Variants in LAMC1 observed in about 807,000 individuals in gnomAD.
LAMC1 encodes laminin subunit gamma 1.
A neutral mutation model predicts 173.6 loss-of-function variants in LAMC1; 38 were observed. That is an observed-to-expected ratio of 0.22 (90% CI 0.17 to 0.29). The LOEUF (loss-of-function observed/expected upper bound fraction) is 0.29, where lower values mean the gene tolerates loss of function less well. Ranked by LOEUF, LAMC1 falls within the 10% of genes least tolerant of loss-of-function variation. The pLI is 1.00. For missense variants in LAMC1, 1,824 were observed against 2,051.8 expected (o/e 0.89, Z 2.14); for synonymous variants, 746 against 749.1 (o/e 1.00, Z 0.07).
chr1:183,116,887 C>T lies in LAMC1; in HGVS notation c.1548C>T (p.Ser516=). 6.2e-7 allele frequency: 1 copy of T among 1,613,830 alleles called. No homozygotes were observed. The highest frequency in any genetic ancestry group is 2.2e-5 in the East Asian group (1 of 44,868). Reference sequence around the variant, plus strand: ...TTGGCTACAGTGTTTATTCTATCTCCTCTACCTTTCAGATTGGTAATTTAG... The same window carrying T: ...TTGGCTACAGTGTTTATTCTATCTCTTCTACCTTTCAGATTGGTAATTTAG... ...NAVGYSVYSI[S]STFQIDEDGW... is the part of the protein sequence containing the mutation. Residue 516 remains serine (S), a synonymous_variant, in exon 8 of 28, where the codon TCC becomes TCT. Coordinates refer to ENST00000258341, the MANE Select transcript of LAMC1 (RefSeq NM_002293.4).
intron 1 of LAMC1, among the ~76,000 whole-genome samples, chr1:183,070,119 A>C (rs1222409291): frequency 6.6e-6 from 1 of 152,208 alleles, no homozygotes; most frequent in Non-Finnish European, 1.5e-5. Context: ...CTTAGACTTG[A>C]TCATAATTGC....
rs137936537 is a variant in LAMC1, at chr1:183,115,422, G to T, written c.1211-98G>T. ...CAGGAGATTGCATACTGGTTCTCAG[G>T]CATTGCTTTTAATTACCAGTTATCT... On this transcript the variant is annotated intron_variant, in intron 5 of 27. Transcript: ENST00000258341. 2.7e-3 allele frequency: 2,195 copies of T among 800,310 alleles called. 5 individuals carry two copies. The highest frequency in any genetic ancestry group is 4.3e-3 in the South Asian group (275 of 64,150). 49.6% of individuals were successfully genotyped at this position (800,310 alleles called of 1,614,324 possible).
intron 1 of LAMC1, among the ~76,000 whole-genome samples, chr1:183,047,416 A>G (rs1654293981): frequency 6.6e-6 from 1 of 152,184 alleles, no homozygotes; most frequent in Non-Finnish European, 1.5e-5. Context: ...ATATTTTTAT[A>G]TCAATTCTGT....
intron 1 of LAMC1, among the ~76,000 whole-genome samples, chr1:183,077,776 G>GTGTGTGTGTGTGTATATATATATATATA: frequency 4.3e-5 from 5 of 116,562 alleles, no homozygotes; most frequent in Admixed American, 8.7e-5. Flanking sequence ...TGGCCATTGT[G>GTGTGTGTGTGTGTATATATATATATATA]TATATATATA....
chr1:183,101,357 A>G (rs1185895662), intron 1 of LAMC1, among the ~76,000 whole-genome samples: 5 of 151,604 alleles, frequency 3.3e-5, no homozygotes, highest in African/African-American at 9.7e-5. Context: ...TTGACGCAAC[A>G]AAGAGATACA....
rs1656614445 is a variant in LAMC1 at position 183,126,183 on chromosome 1, G to A, written c.2865G>A (p.Glu955=). Residue 955 remains glutamate (E), a synonymous_variant, in exon 16 of 28, where the codon GAG becomes GAA. Coordinates refer to ENST00000258341, the MANE Select transcript of LAMC1 (RefSeq NM_002293.4). ...GTGACATCCGCACCGGCCAGTGTGA[G>A]TGCCAGCCCGGCATCACTGGTCAGC... ...GQCDIRTGQC[E]CQPGITGQHC... is the part of the protein sequence containing the mutation. The A allele has an allele frequency of 6.2e-7, 1 of 1,614,244 alleles. No homozygotes were observed. The highest frequency in any genetic ancestry group is 8.5e-7 in the Non-Finnish European group (1 of 1,180,034).
intron 1 of LAMC1, among the ~76,000 whole-genome samples, chr1:183,067,204 TTGTC>T (rs1272579176): frequency 6.6e-6 from 1 of 152,184 alleles, no homozygotes. Context: ...ATCTAGGACT[TTGTC>T]TAACTATTGA....
chr1:183,087,129 G>T (rs887847392), intron 1 of LAMC1, among the ~76,000 whole-genome samples: 2 of 152,062 alleles, frequency 1.3e-5, no homozygotes, highest in African/African-American at 4.8e-5. Flanking sequence ...TTCCTTTAGG[G>T]CAGGGACTCA....
At chr1:183,044,301 A>G (rs1289661929) in intron 1 of LAMC1, among the ~76,000 whole-genome samples, 2 of 152,096 alleles carry the variant, frequency 1.3e-5, no homozygotes, top group Non-Finnish European at 2.9e-5. Context: ...TGCCTTCTCT[A>G]TAAATTCTTC....
At chr1:183,071,077 G>A (rs943617690) in intron 1 of LAMC1, among the ~76,000 whole-genome samples, 1 of 148,386 alleles carries the variant, frequency 6.7e-6, no homozygotes, top group Non-Finnish European at 1.5e-5. Flanking sequence ...AGGAAGCTGG[G>A]TTTTTTTTGT....
At chr1:183,029,002 A>G (rs1025757162) in intron 1 of LAMC1, among the ~76,000 whole-genome samples, 1 of 152,276 alleles carries the variant, frequency 6.6e-6, no homozygotes, top group Non-Finnish European at 1.5e-5. Context: ...GGTATTCCCT[A>G]TCTCAGTGAA....
intron 3 of LAMC1, among the ~76,000 whole-genome samples, chr1:183,109,977 G>A (rs542656071): frequency 8.3e-4 from 126 of 152,276 alleles, no homozygotes; most frequent in African/African-American, 2.8e-3. Flanking sequence ...GCAGATAATT[G>A]CTGATGTTCA....
At chr1:183,079,903 A>G (rs1252806990) in intron 1 of LAMC1, among the ~76,000 whole-genome samples, 1 of 152,240 alleles carries the variant, frequency 6.6e-6, no homozygotes, top group African/African-American at 2.4e-5. Context: ...AGTGTTACTC[A>G]TGATCTCATT....
chr1:183,084,484 T>C (rs1038239042), intron 1 of LAMC1, among the ~76,000 whole-genome samples: 2 of 152,212 alleles, frequency 1.3e-5, no homozygotes, highest in African/African-American at 4.8e-5. Flanking sequence ...CAAAACACTT[T>C]AGATTACATA....
At chr1:183,032,227 G>A (rs1243818156) in intron 1 of LAMC1, among the ~76,000 whole-genome samples, 1 of 152,166 alleles carries the variant, frequency 6.6e-6, no homozygotes, top group Non-Finnish European at 1.5e-5. Flanking sequence ...ATAAAATAAA[G>A]CAGACTTCTC....
At chr1:183,134,862 C>T (rs1656893182) in intron 23 of LAMC1, 53 bp downstream of exon 23, 1 of 1,555,924 alleles carries the variant, frequency 6.4e-7, no homozygotes, top group Non-Finnish European at 8.8e-7. Context: ...TTGAACAGTC[C>T]AAATGGGTCT....
In LAMC1 at chr1:183,145,038, G is replaced by A. The variant is rs1256998068; in HGVS notation, c.*2248G>A. On this transcript the variant is annotated 3_prime_UTR_variant, in exon 28 of 28. Transcript: ENST00000258341. ...TTTCCTGGCTAGTTCATTTCATTAAGTGGCTACATCCTAACATATGCATTT... is the reference window on the plus strand; with the variant it reads ...TTTCCTGGCTAGTTCATTTCATTAAATGGCTACATCCTAACATATGCATTT... 2.0e-5 allele frequency: 3 copies of A among 152,134 alleles called. No individual in the cohort carries two copies. In the East Asian group the frequency reaches 5.8e-4, roughly 29 times the overall value. 9.4% of individuals were successfully genotyped at this position (152,134 alleles called of 1,614,324 possible).
At chr1:183,110,349 C>A in intron 3 of LAMC1, 139 bp from the exon 4 acceptor site, 1 of 558,030 alleles carries the variant, frequency 1.8e-6, no homozygotes, top group Non-Finnish European at 3.1e-6. Context: ...ATTCAGACAT[C>A]CATTACTTAA....
At position 183,144,970 on chromosome 1, in the gene LAMC1, G is replaced by T. The variant is rs538946313; in HGVS notation, c.*2180G>T. The T allele has an allele frequency of 2.6e-5, 4 of 152,202 alleles. No homozygotes were observed. In the South Asian group the frequency reaches 8.3e-4, roughly 32 times the overall value. The allele number at this position is 152,202 out of a possible 1,614,324, so 9.4% of individuals were successfully genotyped here. On this transcript the variant is annotated 3_prime_UTR_variant, in exon 28 of 28. Transcript: ENST00000258341. The stretch of plus-strand genomic sequence containing the variant: ...GCTTCTCCCAGGCCTCTTCTACTAT[G>T]GCAGGAGATGTGGCGTGCTGTTGCA...
Sources: allele counts gnomAD v4.1 joint callset (sites outside exome capture counted in the v4.1 genomes callset), GRCh38; gene constraint gnomAD v4.1.1; transcripts MANE v1.5; gene names NCBI Gene and HGNC (gene_info 2026-07-23, HGNC 2026-07-21).